Variants in FNBP1 observed in about 807,000 individuals in gnomAD.
FNBP1 encodes the protein formin-binding protein 1.
FNBP1 carries 26 observed loss-of-function variants against 90.6 expected under a neutral mutation model. The ratio of observed to expected loss-of-function variants is 0.29; its 90% CI spans 0.21 to 0.40. The LOEUF is 0.40. FNBP1 is among the 10% of genes least tolerant of loss of function. The pLI is 1.00. For missense variants in FNBP1, 635 were observed against 768.0 expected, an observed-to-expected ratio of 0.83 and a Z score of 2.05; for synonymous variants, 260 against 265.2, an observed-to-expected ratio of 0.98 and a Z score of 0.19.
At chr9:129,960,811 G>A (rs1314786456) in intron 4 of FNBP1, among the ~76,000 whole-genome samples, 2 of 152,050 alleles carry the variant, frequency 1.3e-5, no homozygotes, top group East Asian at 3.9e-4. Flanking sequence ...GGTGAGAGGG[G>A]TCAGGTTTTG....
At chr9:129,939,504 T>C (rs1375646132) in intron 6 of FNBP1, among the ~76,000 whole-genome samples, 2 of 148,512 alleles carry the variant, frequency 1.3e-5, no homozygotes, top group Non-Finnish European at 3.0e-5. Flanking sequence ...GTTAGTTTTG[T>C]CTTCTTTTAG....
chr9:130,001,225 G>A (rs950320019), intron 1 of FNBP1, among the ~76,000 whole-genome samples: 8 of 151,290 alleles, frequency 5.3e-5, no homozygotes, highest in African/African-American at 9.7e-5. Context: ...ACAGTTACTC[G>A]GGAGACTGAG....
At position 130,041,817 on chromosome 9, in the gene FNBP1, T is replaced by C. The variant is rs923708746; in HGVS notation, c.24+1135A>G. The stretch of plus-strand genomic sequence containing the variant: ...GGGAGGATGTGCTCTGTTTCTGTAA[T>C]TGCTCTAACCTTGTTTTATTTTGAT... On this transcript the variant is annotated intron_variant, in intron 1 of 16. Transcript: ENST00000446176. The surrounding 1 kb of genome is among the most constrained non-coding windows in gnomAD (Gnocchi z 4.3). Among the ~76,000 whole-genome samples the C allele has an allele frequency of 6.6e-6, 1 of 152,208 alleles. No individual in the cohort carries two copies. Among genetic ancestry groups the C allele is most frequent in the Non-Finnish European group, 1.5e-5 (1 of 68,038 alleles).
chr9:130,020,748 T>C (rs2057748773), intron 1 of FNBP1, among the ~76,000 whole-genome samples: 1 of 152,206 alleles, frequency 6.6e-6, no homozygotes, highest in Non-Finnish European at 1.5e-5. Context: ...TGCACTGTGC[T>C]CTGAATGCCT....
At chr9:129,932,992 C>A (rs1564367603) in intron 6 of FNBP1, among the ~76,000 whole-genome samples, 1 of 152,104 alleles carries the variant, frequency 6.6e-6, no homozygotes. Flanking sequence ...CATTAGACCT[C>A]AAATTTCTAA....
chr9:130,001,146 C>A (rs1019260638), intron 1 of FNBP1, among the ~76,000 whole-genome samples: 2 of 151,824 alleles, frequency 1.3e-5, no homozygotes, highest in Non-Finnish European at 2.9e-5. Context: ...GCCTGGCCAA[C>A]GTGGTGAAAC....
At chr9:129,916,063 A>G in intron 10 of FNBP1, 83 bp from the exon 11 acceptor site, 1 of 985,110 alleles carries the variant, frequency 1.0e-6, no homozygotes. Flanking sequence ...ACACATCAGA[A>G]GAAGAGGAAC....
At chr9:130,027,668 T>A (rs533162804) in intron 1 of FNBP1, among the ~76,000 whole-genome samples, 1 of 152,222 alleles carries the variant, frequency 6.6e-6, no homozygotes, top group East Asian at 1.9e-4. Flanking sequence ...TGGGAAGGCT[T>A]ACAGGCTGGG....
chr9:129,988,996 C>G (rs2131163703), intron 2 of FNBP1, among the ~76,000 whole-genome samples: 1 of 152,340 alleles, frequency 6.6e-6, no homozygotes, highest in African/African-American at 2.4e-5. Flanking sequence ...AACCAAGTAT[C>G]TGTTGAATAT....
intron 1 of FNBP1, among the ~76,000 whole-genome samples, chr9:130,017,300 C>A (rs75246276): frequency 1.3e-5 from 2 of 152,130 alleles, no homozygotes; most frequent in South Asian, 4.1e-4. Context: ...CAAGTGTTTT[C>A]TTTTCATTAA....
chr9:129,977,672 A>T (rs1039985208), intron 4 of FNBP1, among the ~76,000 whole-genome samples: 3 of 151,826 alleles, frequency 2.0e-5, no homozygotes, highest in African/African-American at 4.8e-5. Flanking sequence ...TTATATTTTT[A>T]GTAGAGAAGG....
rs1284255698 is a variant in FNBP1 at position 129,889,129 on chromosome 9, C to CAA, written c.*1408_*1409dup. 1 of 220,494 alleles carries CAA rather than the reference C, an allele frequency of 4.5e-6. No homozygotes were observed. Among genetic ancestry groups the CAA allele is most frequent in the Non-Finnish European group, 9.0e-6 (1 of 110,500 alleles). The allele number at this position is 220,494 out of a possible 1,614,324, so 13.7% of individuals were successfully genotyped here. A position where few individuals can be genotyped will look rare whatever the true frequency, so the allele number is the denominator to read the frequency against. ...AGATTAGGGGACCTCAGGTTTTCCT[C>CAA]AAAAACCCACACAGGGAAAGAAACT... On this transcript the variant is annotated 3_prime_UTR_variant, in exon 17 of 17. Coordinates refer to ENST00000446176, the MANE Select transcript of FNBP1 (RefSeq NM_015033.3).
chr9:129,999,570 C>T (rs2054524820), intron 1 of FNBP1, among the ~76,000 whole-genome samples: 1 of 151,474 alleles, frequency 6.6e-6, no homozygotes, highest in Non-Finnish European at 1.5e-5. Context: ...TGCACTCCAG[C>T]CTGGGGCGAC....
chr9:129,920,876 A>G (rs1489218631), intron 10 of FNBP1, among the ~76,000 whole-genome samples: 7 of 152,228 alleles, frequency 4.6e-5, no homozygotes. Context: ...GACAGTTCAT[A>G]TGAAACTTTC....
chr9:130,007,239 C>CA (rs72063140), intron 1 of FNBP1, among the ~76,000 whole-genome samples: 4,085 of 76,988 alleles, frequency 0.053, 397 homozygotes, highest in Middle Eastern at 0.098. Flanking sequence ...GAGATCCTGT[C>CA]AAAAAAAAAA....
intron 15 of FNBP1, among the ~76,000 whole-genome samples, chr9:129,897,381 G>T (rs1169771294): frequency 1.3e-5 from 2 of 152,058 alleles, no homozygotes; most frequent in African/African-American, 4.8e-5. Flanking sequence ...GGGATGGTTG[G>T]AATATGAAGT....
At chr9:129,931,114 G>C (rs1050569432) in intron 6 of FNBP1, among the ~76,000 whole-genome samples, 1 of 151,958 alleles carries the variant, frequency 6.6e-6, no homozygotes, top group African/African-American at 2.4e-5. Flanking sequence ...GACCAGCCTG[G>C]GCAACATGGT....
At chr9:129,929,472 C>G in intron 7 of FNBP1, 95 bp downstream of exon 7, 2 of 964,062 alleles carry the variant, frequency 2.1e-6, no homozygotes, top group Non-Finnish European at 3.1e-6. Context: ...GACTCAGACT[C>G]AGAATACAAA....
intron 1 of FNBP1, among the ~76,000 whole-genome samples, chr9:130,030,524 C>T (rs2058713634): frequency 6.6e-6 from 1 of 152,050 alleles, no homozygotes; most frequent in Non-Finnish European, 1.5e-5. Flanking sequence ...ATCACCTACA[C>T]AGCATCTATA....
Sources: allele counts gnomAD v4.1 joint callset (sites outside exome capture counted in the v4.1 genomes callset), GRCh38; gene constraint gnomAD v4.1.1; non-coding constraint Gnocchi (gnomAD v3.1); transcripts MANE v1.5; gene names NCBI Gene and HGNC (gene_info 2026-07-23, HGNC 2026-07-21).